The following UNC79 variants were observed in gnomAD, a reference collection of about 807,000 sequenced individuals.
UNC79 encodes the protein unc-79 subunit of NALCN channel complex.
In UNC79, 37 loss-of-function variants were observed where a neutral mutation model predicts 283.1. The observed-to-expected ratio is 0.13, with a 90% CI of 0.10 to 0.17. UNC79 has a LOEUF of 0.17. UNC79 is among the 10% of genes least tolerant of loss of function. UNC79 has a pLI of 1.00. For missense variants in UNC79, 2,272 were observed against 3,211.1 expected, an observed-to-expected ratio of 0.71 and a Z score of 7.07; for synonymous variants, 1,107 against 1,200.2, an observed-to-expected ratio of 0.92 and a Z score of 1.61.
intron 39 of UNC79, among the ~76,000 whole-genome samples, chr14:93,659,632 C>T (rs749710734): frequency 1.2e-4 from 19 of 152,172 alleles, no homozygotes; most frequent in Non-Finnish European, 2.1e-4. Flanking sequence ...TAAGATGTTA[C>T]TTCATAACTC....
chr14:93,460,203 CAAAAAAAAAAAAAA>C (rs749082123), intron 1 of UNC79, among the ~76,000 whole-genome samples: 23 of 33,864 alleles, frequency 6.8e-4, no homozygotes, highest in Non-Finnish European at 9.6e-4. Context: ...GATTCCGTCT[CAAAAAAAAAAAAAA>C]AAAAAAAAAA....
chr14:93,554,489 G>A lies in UNC79; in HGVS notation c.1755+11793G>A, dbSNP rs2062059449. Among the ~76,000 whole-genome samples the A allele has an allele frequency of 2.6e-5, 4 of 152,120 alleles. No individual in the cohort carries two copies. In the South Asian group the frequency reaches 8.3e-4, roughly 32 times the overall value. On this transcript the variant is annotated intron_variant, in intron 14 of 48. Transcript: ENST00000555664. The stretch of plus-strand genomic sequence containing the variant: ...GCTAATTTCAATAACATTTGATGAA[G>A]CTATCTAATTTTAACCAGTTTGACC...
Position 93,389,988 on chromosome 14 carries a change from C to T in UNC79, c.-351+56465C>T, listed in dbSNP as rs560500758. ...TCATGAGGCTAGAATTCTCTTGAAA[C>T]CAAAACTAGCCATAGATGTTATGAG... is the stretch of plus-strand genomic sequence containing the variant. On this transcript the variant is annotated intron_variant, in intron 1 of 49. Coordinates refer to the UNC79 transcript ENST00000256339. Among the ~76,000 whole-genome samples, 12 of 152,250 alleles carry T rather than the reference C, an allele frequency of 7.9e-5. No homozygotes were observed. In the South Asian group the frequency reaches 2.1e-3, roughly 26 times the overall value.
chr14:93,586,603 G>A (rs1429108387), exon 21 of UNC79: 1 of 1,613,434 alleles, frequency 6.2e-7, no homozygotes, highest in Non-Finnish European at 8.5e-7. Flanking sequence ...CAGCAGTAAA[G>A]AATGATACCG....
At chr14:93,589,302 A>T (rs2064481528) in intron 22 of UNC79, among the ~76,000 whole-genome samples, 1 of 152,142 alleles carries the variant, frequency 6.6e-6, no homozygotes, top group Non-Finnish European at 1.5e-5. Context: ...CAGAGGGATG[A>T]GGATTCCAGA....
chr14:93,354,602 A>G (rs2054047695), intron 1 of UNC79, among the ~76,000 whole-genome samples: 1 of 152,210 alleles, frequency 6.6e-6, no homozygotes, highest in South Asian at 2.1e-4. Context: ...GTCTCAAGTG[A>G]TCCTCCCACC....
intron 25 of UNC79, among the ~76,000 whole-genome samples, chr14:93,602,600 C>T (rs562306362): frequency 6.6e-6 from 1 of 151,872 alleles, no homozygotes; most frequent in South Asian, 2.1e-4. Context: ...TTTTTTGGTT[C>T]CGTAGGAATT....
At chr14:93,408,675 G>A (rs935568927) in intron 1 of UNC79, among the ~76,000 whole-genome samples, 10 of 152,178 alleles carry the variant, frequency 6.6e-5, no homozygotes, top group South Asian at 2.1e-4. Flanking sequence ...CTAGGCAACA[G>A]AGTGAGATCT....
chr14:93,404,327 T>TAA (rs11387953), intron 1 of UNC79, among the ~76,000 whole-genome samples: 59 of 137,076 alleles, frequency 4.3e-4, no homozygotes, highest in Middle Eastern at 3.6e-3. Flanking sequence ...TCTACAAAAA[T>TAA]AAAAAAAAAA....
At chr14:93,348,140 A>C in intron 1 of UNC79, 1 of 1,471,070 alleles carries the variant, frequency 6.8e-7, no homozygotes. Flanking sequence ...GATGTTGAAC[A>C]GCTGTTAACG....
At chr14:93,706,919 G>T (rs374891231), downstream of UNC79, 8 of 1,613,856 alleles carry the variant, frequency 5.0e-6, no homozygotes, top group Non-Finnish European at 6.8e-6. Flanking sequence ...ACTCCTCGGC[G>T]CTCAGTGTCA....
intron 38 of UNC79, among the ~76,000 whole-genome samples, chr14:93,656,068 A>C (rs2070895498): frequency 6.6e-6 from 1 of 152,220 alleles, no homozygotes; most frequent in African/African-American, 2.4e-5. Context: ...TAGCTTCTGG[A>C]AACAACACAG....
At chr14:93,676,441 C>T (rs116898469) in intron 41 of UNC79, among the ~76,000 whole-genome samples, 10 of 152,290 alleles carry the variant, frequency 6.6e-5, no homozygotes, top group Non-Finnish European at 5.9e-5. Flanking sequence ...GGAAATATCC[C>T]GGGAGGGATT....
At chr14:93,504,902 G>C (rs1449256801) in intron 7 of UNC79, among the ~76,000 whole-genome samples, 1 of 151,908 alleles carries the variant, frequency 6.6e-6, no homozygotes, top group East Asian at 1.9e-4. Context: ...CCTAAATCCT[G>C]TGCTATGCTG....
intron 7 of UNC79, among the ~76,000 whole-genome samples, chr14:93,501,469 C>T (rs2059284740): frequency 6.6e-6 from 1 of 152,068 alleles, no homozygotes; most frequent in Admixed American, 6.6e-5. Context: ...GTGTGCAAAT[C>T]ATGAGGTCAG....
At chr14:93,349,569 T>C (rs1253791976) in intron 1 of UNC79, among the ~76,000 whole-genome samples, 1 of 152,224 alleles carries the variant, frequency 6.6e-6, no homozygotes, top group East Asian at 1.9e-4. Context: ...CTTTCTTCCC[T>C]TTTATGGGCT....
At chr14:93,407,877 C>G (rs1463374966) in intron 1 of UNC79, among the ~76,000 whole-genome samples, 1 of 152,102 alleles carries the variant, frequency 6.6e-6, no homozygotes, top group Non-Finnish European at 1.5e-5. Context: ...TTTAGGGAAA[C>G]TCAAATTGAA....
chr14:93,578,807 TATA>T (rs2063614522), intron 18 of UNC79, among the ~76,000 whole-genome samples: 1 of 152,208 alleles, frequency 6.6e-6, no homozygotes, highest in African/African-American at 2.4e-5. Context: ...TGAAAATTGA[TATA>T]ATAATAGTAA....
intron 20 of UNC79, among the ~76,000 whole-genome samples, chr14:93,583,422 A>G (rs2063965783): frequency 6.6e-6 from 1 of 152,188 alleles, no homozygotes; most frequent in South Asian, 2.1e-4. Context: ...TGAGCAGCAG[A>G]TATTATTAGG....
Sources: gnomAD v4.1 joint callset for allele counts (sites outside exome capture counted in the v4.1 genomes callset) on GRCh38, gnomAD v4.1.1 for gene constraint, MANE v1.5 for transcripts, NCBI Gene and HGNC (gene_info 2026-07-23, HGNC 2026-07-21) for gene names.